Variants in DCHS1 observed in about 807,000 individuals in gnomAD.
DCHS1 encodes the protein protocadherin-16.
DCHS1 carries 78 observed loss-of-function variants against 213.9 expected under a neutral mutation model. The ratio of observed to expected loss-of-function variants is 0.36; its 90% CI spans 0.30 to 0.44. DCHS1 has a LOEUF of 0.44. Ranked by LOEUF, DCHS1 falls within the 20% of genes least tolerant of loss-of-function variation. The pLI is 1.00. For synonymous variants in DCHS1, 1,828 were observed against 1,873.7 expected (o/e 0.98, Z 0.63); for missense variants, 3,946 against 4,395.9 (o/e 0.90, Z 2.89).
intron 8 of DCHS1, 36 bp downstream of exon 8, chr11:6,631,275 C>T (rs1277407576): frequency 1.2e-6 from 2 of 1,613,892 alleles, no homozygotes; most frequent in East Asian, 2.2e-5. Context: ...GAGGGCATGC[C>T]ATCACCCACC....
intron 2 of DCHS1, among the ~76,000 whole-genome samples, chr11:6,636,694 C>T (rs539321428): frequency 3.3e-5 from 5 of 152,262 alleles, no homozygotes; most frequent in East Asian, 1.9e-4. Context: ...CACTGCTTCC[C>T]CCACCACCCA....
chr11:6,630,487 A>T lies in DCHS1; in HGVS notation c.4307T>A (p.Phe1436Tyr). 6.5e-7 allele frequency: 1 copy of T among 1,534,400 alleles called. No individual in the cohort carries two copies. The highest frequency in any genetic ancestry group is 2.5e-5 in the East Asian group (1 of 39,950). The change falls in exon 10 of 21, where the codon TTT (phenylalanine) becomes TAT (tyrosine). Residue 1436 changes from phenylalanine to tyrosine, a missense_variant. Physicochemically the swap from Phe to Tyr is conservative, Grantham distance 22. Transcript: ENST00000299441. The stretch of plus-strand genomic sequence containing the variant: ...CGCCAGCGCCAGCGGGTCGCGCGCA[A>T]AGGCGGGCGCATGCTCATTCTCGTC... The part of the protein sequence containing the change: ...VQDENEHAPA[F>Y]ARDPLALALP...
chr11:6,630,191 A>C lies in DCHS1; in HGVS notation c.4603T>G (p.Phe1535Val), dbSNP rs773276387. The change falls in exon 10 of 21, where the codon TTC becomes GTC. Residue 1535 changes from phenylalanine to valine, a missense_variant. Physicochemically the swap from Phe to Val is conservative, Grantham distance 50 (BLOSUM62 -1). Coordinates refer to ENST00000299441, the MANE Select transcript of DCHS1 (RefSeq NM_003737.4). The part of the protein sequence containing the change: ...RRAARVSARV[F>V]VTDENDNAPV... The stretch of plus-strand genomic sequence containing the variant: ...GCGTTGTCATTCTCATCCGTGACGA[A>C]GACGCGCGCTGAAACGCGCGCTGCA... The C allele has an allele frequency of 1.6e-5, 26 of 1,587,900 alleles. No homozygotes were observed. The African/African-American group carries it at 3.1e-4, about 19-fold the overall frequency.
At chr11:6,631,505 G>C in intron 7 of DCHS1, 98 bp from the exon 8 acceptor site, 1 of 1,588,760 alleles carries the variant, frequency 6.3e-7, no homozygotes, top group Non-Finnish European at 8.6e-7. Context: ...ACCTCTTTTC[G>C]GCTCTCACAC....
chr11:6,642,567 G>C (rs1466192209), intron 1 of DCHS1, among the ~76,000 whole-genome samples: 1 of 142,718 alleles, frequency 7.0e-6, no homozygotes, highest in African/African-American at 2.5e-5. Flanking sequence ...TTCTAGAAGA[G>C]TGAACAGTAT....
rs1332221215 is a variant in DCHS1 at position 6,631,626 on chromosome 11, A to G, written c.3665T>C (p.Leu1222Pro). 6.3e-7 allele frequency: 1 copy of G among 1,577,282 alleles called. No individual in the cohort carries two copies. The highest frequency in any genetic ancestry group is 8.6e-7 in the Non-Finnish European group (1 of 1,162,394). The change falls in exon 7 of 21, where the codon CTC becomes CCC. Residue 1222 changes from leucine to proline, a missense_variant. By Grantham distance (98) the Leu-to-Pro change is moderately conservative. Around this residue, in one of 3 missense-constraint regions of DCHS1, gnomAD observed 3,384 missense variants for 3,780.1 expected, o/e 0.90. Coordinates refer to ENST00000299441, the MANE Select transcript of DCHS1 (RefSeq NM_003737.4). ...LQASGAAGGG[L>P]PIQVPDRVPP... ...TGCCACTTCACATACCTGTATAGGGAGGCCCCCACCAGCAGCTCCTGAAGC... is the reference window on the plus strand; with the variant it reads ...TGCCACTTCACATACCTGTATAGGGGGGCCCCCACCAGCAGCTCCTGAAGC...
chr11:6,641,320 A>G lies in DCHS1; in HGVS notation c.294T>C (p.Ser98=). The change falls in exon 2 of 21, where the codon AGT becomes AGC. Residue 98 remains serine (S), a synonymous_variant. Coordinates refer to ENST00000299441, the MANE Select transcript of DCHS1 (RefSeq NM_003737.4). The surrounding 1 kb of genome is among the most constrained non-coding windows in gnomAD (Gnocchi z 7.1). ...VGTDLAIDEH[S]GVVRTARVLD... ...AGACACGGGCTGTACGGACGACCCC[A>G]CTGTGTTCGTCAATGGCCAGGTCTG... 1 of 1,613,570 alleles carries G rather than the reference A, an allele frequency of 6.2e-7. No homozygotes were observed. The highest frequency in any genetic ancestry group is 2.2e-5 in the East Asian group (1 of 44,872).
rs1358779701 is a variant in DCHS1 at position 6,626,027 on chromosome 11, G to A, written c.6624C>T (p.Tyr2208=). The part of the protein sequence containing the change: ...LDQGSGGQIS[Y]SLAASQPARG... ...GTGCCGGCTGGGATGCAGCCAGACT[G>A]TAGGAAATCTGTCCTCCAGAGCCTT... is the stretch of plus-strand genomic sequence containing the variant. The change falls in exon 17 of 21, where the codon TAC becomes TAT. Residue 2208 remains tyrosine, a synonymous_variant. Transcript: ENST00000299441. The surrounding 1 kb of genome is among the most constrained non-coding windows in gnomAD (Gnocchi z 5.2). 6 of 1,612,362 alleles carry A rather than the reference G, an allele frequency of 3.7e-6. No homozygotes were observed. The highest frequency in any genetic ancestry group is 5.1e-6 in the Non-Finnish European group (6 of 1,179,184).
intron 5 of DCHS1, 91 bp downstream of exon 5, chr11:6,633,321 T>C: frequency 7.5e-7 from 1 of 1,340,008 alleles, no homozygotes; most frequent in African/African-American, 1.5e-5. Context: ...CTATCTGCCC[T>C]GTGATACTCT....
chr11:6,624,512 T>G (rs1174868806), intron 20 of DCHS1, 122 bp from the exon 21 acceptor site: 7 of 1,322,344 alleles, frequency 5.3e-6, no homozygotes, highest in Non-Finnish European at 7.1e-6. Context: ...GCCTATCTGC[T>G]GGGAGACAAG....
chr11:6,638,633 C>T (rs577270932), intron 2 of DCHS1, among the ~76,000 whole-genome samples: 9 of 152,310 alleles, frequency 5.9e-5, no homozygotes, highest in Admixed American at 3.3e-4. Context: ...AGCACTCATA[C>T]GCCACCTGCT....
At position 6,640,337 on chromosome 11, in the gene DCHS1, AC is replaced by A; in HGVS notation, c.1276del (p.Val426TrpfsTer15). ...TQDSVIYLVC[V>X]ARRLDREERD... is the part of the protein sequence containing the mutation. ...CTCCTCTCGATCCAGCCGCCGAGCCACACACACCAGATAGATGACGCTGTCT... is the reference window on the plus strand; with the variant it reads ...CTCCTCTCGATCCAGCCGCCGAGCCAACACACCAGATAGATGACGCTGTCT... On this transcript the variant is annotated frameshift_variant, in exon 2 of 21. Coordinates refer to ENST00000299441, the MANE Select transcript of DCHS1 (RefSeq NM_003737.4). LOFTEE classifies it high-confidence loss of function. The surrounding 1 kb of genome is among the most constrained non-coding windows in gnomAD (Gnocchi z 6.5). The A allele has an allele frequency of 6.2e-7, 1 of 1,612,204 alleles. No homozygotes were observed. Among genetic ancestry groups the A allele is most frequent in the Non-Finnish European group, 8.5e-7 (1 of 1,179,074 alleles).
Position 6,627,187 on chromosome 11 carries a change from C to T in DCHS1, c.5852G>A (p.Arg1951His), listed in dbSNP as rs528656024. The change falls in exon 14 of 21, where the codon CGC (arginine) becomes CAC (histidine). Residue 1951 changes from arginine to histidine, a missense_variant. Physicochemically the swap from Arg to His is conservative, Grantham distance 29 (BLOSUM62 0). Transcript: ENST00000299441. The surrounding 1 kb of genome is among the most constrained non-coding windows in gnomAD (Gnocchi z 5.4). Reference protein sequence around the residue: ...STTVSVTITVRDVNDHAPTFP... With the variant: ...STTVSVTITVHDVNDHAPTFP... Reference sequence around the variant, plus strand: ...GGTGGGTGCATGGTCATTGACATCGCGCACCGTGATGGTGACAGACACTGT... The same window carrying T: ...GGTGGGTGCATGGTCATTGACATCGTGCACCGTGATGGTGACAGACACTGT... The T allele has an allele frequency of 7.5e-5, 121 of 1,612,838 alleles. 2 individuals are homozygous for T. The South Asian group carries it at 1.0e-3, about 14-fold the overall frequency.
chr11:6,626,248 T>C lies in DCHS1; in HGVS notation c.6497A>G (p.Asp2166Gly). ...GGGCCGCAGGAAACGGGGAGCATTG[T>C]CGTTGGCATCTTGCAGGGTCAGGGT... ...VLTLTLQDAN[D>G]NAPRFLRPHY... The change falls in exon 16 of 21, where the codon GAC (aspartate) becomes GGC (glycine). Residue 2166 changes from aspartate (D) to glycine (G), a missense_variant. Coordinates refer to ENST00000299441, the MANE Select transcript of DCHS1 (RefSeq NM_003737.4). This position sits in a 1 kb window ranked among gnomAD's most constrained non-coding sequence, Gnocchi z 5.2. 3 of 1,612,592 alleles carry C rather than the reference T, an allele frequency of 1.9e-6. No homozygotes were observed. Among genetic ancestry groups the C allele is most frequent in the Non-Finnish European group, 2.5e-6 (3 of 1,179,290 alleles).
rs1304171745 is a variant in DCHS1 at position 6,622,291 on chromosome 11, G to A, written c.9385C>T (p.Pro3129Ser). Residue 3129 changes from proline (P) to serine (S), a missense_variant, in exon 21 of 21, where the codon CCC becomes TCC. Physicochemically the swap from Pro to Ser is moderately conservative, Grantham distance 74. This residue lies in a region of DCHS1 where 554 missense variants were observed against 590.2 expected (regional missense o/e 0.94). Coordinates refer to ENST00000299441, the MANE Select transcript of DCHS1 (RefSeq NM_003737.4). The surrounding 1 kb of genome is among the most constrained non-coding windows in gnomAD (Gnocchi z 5.4). The stretch of plus-strand genomic sequence containing the variant: ...GCTGGGAAGCCATAGTCCCCAGTGG[G>A]TGCAGGGCTCAGGCCACAGCCCCCC... The part of the protein sequence containing the change: ...FLGGCGLSPA[P>S]TGDYGFPADG... 6.2e-7 allele frequency: 1 copy of A among 1,607,342 alleles called. No individual in the cohort carries two copies. The highest frequency in any genetic ancestry group is 1.7e-5 in the Admixed American group (1 of 59,478).
rs778874346 is a variant in DCHS1 at position 6,634,090 on chromosome 11, C to A, written c.1986+28G>T. 5.8e-5 allele frequency: 92 copies of A among 1,598,030 alleles called. 1 individual carries two copies. The highest frequency in any genetic ancestry group is 8.5e-6 in the Non-Finnish European group (10 of 1,170,260). ...CTGGTGAGTGCCCTACCCCAACATC[C>A]CAACCTGCCCTTGGTCTACTGACTT... On this transcript the variant is annotated intron_variant, in intron 3 of 20. Coordinates refer to ENST00000299441, the MANE Select transcript of DCHS1 (RefSeq NM_003737.4).
Position 6,654,036 on chromosome 11 carries a change from G to A in DCHS1, c.-121+1527C>T, listed in dbSNP as rs143235296. ...GAGGTCAAGAATCTGTGAAGCTGTG[G>A]TGTTGAAGGACACTGAGAAACCATG... On this transcript the variant is annotated intron_variant, in intron 1 of 20. Transcript: ENST00000299441. Among the ~76,000 whole-genome samples the A allele has an allele frequency of 3.3e-5, 5 of 152,342 alleles. No homozygotes were observed. The East Asian group carries it at 9.6e-4, about 29-fold the overall frequency.
In DCHS1 at chr11:6,622,705, G is replaced by A. The variant is rs745798498; in HGVS notation, c.8971C>T (p.Arg2991Trp). ...LASDSLQKLG[R>W]EPPSPPPSEH... ...GAGGGTGGTGGACTAGGTGGCTCCC[G>A]GCCCAGTTTCTGCAGTGAGTCACTG... The change falls in exon 21 of 21, where the codon CGG (arginine) becomes TGG (tryptophan). Residue 2991 changes from arginine to tryptophan, a missense_variant. By Grantham distance (101) the Arg-to-Trp change is moderately radical. Coordinates refer to ENST00000299441, the MANE Select transcript of DCHS1 (RefSeq NM_003737.4). The surrounding 1 kb of genome is among the most constrained non-coding windows in gnomAD (Gnocchi z 5.4). The A allele has an allele frequency of 2.2e-5, 35 of 1,592,010 alleles. No homozygotes were observed. Among genetic ancestry groups the A allele is most frequent in the African/African-American group, 4.0e-5 (3 of 74,478 alleles).
At chr11:6,624,536 G>A in intron 20 of DCHS1, 146 bp from the exon 21 acceptor site, 2 of 1,294,480 alleles carry the variant, frequency 1.5e-6, no homozygotes, top group South Asian at 1.5e-5. Flanking sequence ...ATGGCCTCAA[G>A]GATTCACAGC....
Sources: gnomAD v4.1 joint callset for allele counts (sites outside exome capture counted in the v4.1 genomes callset) on GRCh38, gnomAD v4.1.1 for gene constraint, gnomAD v4.1.1 regional missense constraint, Gnocchi (gnomAD v3.1) non-coding constraint, MANE v1.5 for transcripts, NCBI Gene and HGNC (gene_info 2026-07-23, HGNC 2026-07-21) for gene names.